GSE1: variants seen among roughly 807,000 people sequenced by gnomAD.
GSE1 encodes the protein genetic suppressor element 1.
GSE1 carries 32 observed loss-of-function variants against 112.6 expected under a neutral mutation model. The observed-to-expected ratio is 0.28, with a 90% CI of 0.21 to 0.38. The LOEUF (loss-of-function observed/expected upper bound fraction) is 0.38. Among genes scored for constraint, GSE1 ranks in the 10% least tolerant of loss-of-function variants. GSE1 has a pLI of 1.00. For missense variants in GSE1, 2,348 were observed against 1,699.2 expected (o/e 1.38, Z -6.71); for synonymous variants, 1,115 against 735.6 (o/e 1.52, Z -8.35).
chr16:85,616,666 C>T (rs1370417050), intron 1 of GSE1, among the ~76,000 whole-genome samples: 1 of 151,800 alleles, frequency 6.6e-6, no homozygotes, highest in South Asian at 2.1e-4. Flanking sequence ...GTGGCTGTGC[C>T]GAAGCCTGGC....
intron 2 of GSE1, among the ~76,000 whole-genome samples, chr16:85,503,896 G>A (rs1258636756): frequency 6.6e-6 from 1 of 152,224 alleles, no homozygotes; most frequent in African/African-American, 2.4e-5. Context: ...CCAGGCTGGG[G>A]AATTCGCCGG....
chr16:85,220,455 A>G (rs1208118363), intron 1 of GSE1, among the ~76,000 whole-genome samples: 3 of 152,230 alleles, frequency 2.0e-5, no homozygotes, highest in Non-Finnish European at 4.4e-5. Context: ...AATCAAGCAG[A>G]TGGCTGCAAC....
At chr16:85,283,365 C>G (rs923586740) in intron 1 of GSE1, 10 of 152,804 alleles carry the variant, frequency 6.5e-5, no homozygotes, top group African/African-American at 2.2e-4. Flanking sequence ...GGTGCCAACC[C>G]CCTGCGCCCT....
rs1318880653 is a variant in GSE1, at chr16:85,654,908, C to A, written c.714C>A (p.Pro238=). 1.9e-6 allele frequency: 3 copies of A among 1,611,824 alleles called. No individual in the cohort carries two copies. The highest frequency in any genetic ancestry group is 2.2e-5 in the South Asian group (2 of 91,020). The change falls in exon 5 of 16, where the codon CCC becomes CCA. Residue 238 remains proline, a synonymous_variant. Coordinates refer to ENST00000253458, the MANE Select transcript of GSE1 (RefSeq NM_014615.5). The stretch of plus-strand genomic sequence containing the variant: ...ACCTCCGCATGTCCTCACTGCCTCC[C>A]CTCGGCCTGGACCCGGCCACTGCTG... The part of the protein sequence containing the change: ...TDDLRMSSLP[P]LGLDPATAAA...
At chr16:85,653,962 C>T (rs2051672300) in intron 3 of GSE1, among the ~76,000 whole-genome samples, 1 of 152,126 alleles carries the variant, frequency 6.6e-6, no homozygotes, top group African/African-American at 2.4e-5. Context: ...GAGCCCCTGC[C>T]ACCCTGCATC....
chr16:85,390,702 G>GC (rs1157503694), intron 2 of GSE1, among the ~76,000 whole-genome samples: 39,284 of 72,156 alleles, frequency 0.54, 7,542 homozygotes, highest in Non-Finnish European at 0.58. Flanking sequence ...GCCTTGTTCT[G>GC]CCCCCCCCAC....
chr16:85,246,352 CACACACACACACACA>C (rs1905746872), intron 1 of GSE1, among the ~76,000 whole-genome samples: 1 of 114,912 alleles, frequency 8.7e-6, no homozygotes, highest in Non-Finnish European at 1.7e-5. Context: ...GCTGTCTACA[CACACACACACACACA>C]CCACACGCTG....
intron 1 of GSE1, among the ~76,000 whole-genome samples, chr16:85,172,681 G>T (rs111549010): frequency 0.019 from 2,966 of 152,350 alleles, 82 homozygotes; most frequent in African/African-American, 0.068. Flanking sequence ...CAGTCAGTGC[G>T]ACTTGTTTTA....
rs148902439 is a variant in GSE1 at position 85,464,971 on chromosome 16, C to T, written c.2464+107328C>T. 4.1e-3 allele frequency among the ~76,000 whole-genome samples: 631 copies of T among 152,274 alleles called. 6 individuals are homozygous for T. Among genetic ancestry groups the T allele is most frequent in the Non-Finnish European group, 7.1e-3 (485 of 68,004 alleles). ...GGAGGGCACTGGCTTCGTGCCCTCT[C>T]GTTTTTGCAGGTGAGGAAACAGTGT... On this transcript the variant is annotated intron_variant, in intron 2 of 2. Transcript: ENST00000637419.
intron 1 of GSE1, among the ~76,000 whole-genome samples, chr16:85,341,952 C>A (rs150986073): frequency 6.6e-6 from 1 of 152,244 alleles, no homozygotes; most frequent in African/African-American, 2.4e-5. Context: ...TCAGGACATA[C>A]CCTCGGTCTC....
chr16:85,288,918 C>A (rs1054704127), intron 1 of GSE1, among the ~76,000 whole-genome samples: 2 of 152,252 alleles, frequency 1.3e-5, no homozygotes, highest in South Asian at 4.1e-4. Flanking sequence ...GCTCTATGGG[C>A]CTGAGAAATG....
At position 85,636,864 on chromosome 16, in the gene GSE1, G is replaced by A. The variant is rs947132976; in HGVS notation, c.226+2732G>A. 7.2e-5 allele frequency among the ~76,000 whole-genome samples: 11 copies of A among 152,316 alleles called. No individual in the cohort carries two copies. In the East Asian group the frequency reaches 1.5e-3, roughly 21 times the overall value. ...GTCAGCACGCTGACCCTGCCTCCCT[G>A]TGGGTTGTGGAGTCCTGGATGACAG... On this transcript the variant is annotated intron_variant, in intron 2 of 15. Transcript: ENST00000253458.
intron 1 of GSE1, among the ~76,000 whole-genome samples, chr16:85,348,499 C>T (rs2046789119): frequency 1.3e-5 from 2 of 152,180 alleles, no homozygotes; most frequent in South Asian, 4.1e-4. Context: ...CTTGGTCACC[C>T]GGCTGCATCT....
intron 3 of GSE1, among the ~76,000 whole-genome samples, chr16:85,652,762 C>G (rs1312678533): frequency 6.6e-6 from 1 of 152,278 alleles, no homozygotes; most frequent in African/African-American, 2.4e-5. Flanking sequence ...GAGACAGATG[C>G]TTCTCCACGG....
intron 1 of GSE1, among the ~76,000 whole-genome samples, chr16:85,317,288 A>C (rs547400378): frequency 6.6e-5 from 10 of 152,234 alleles, no homozygotes; most frequent in Admixed American, 5.2e-4. Flanking sequence ...GACAGCAGGC[A>C]TGCATCCCTC....
At chr16:85,257,171 C>T (rs757813283) in intron 1 of GSE1, among the ~76,000 whole-genome samples, 5 of 152,234 alleles carry the variant, frequency 3.3e-5, no homozygotes, top group Admixed American at 6.5e-5. Flanking sequence ...TGCAGTGGCG[C>T]GATCTCGGCC....
intron 1 of GSE1, among the ~76,000 whole-genome samples, chr16:85,604,205 C>A (rs907339208): frequency 7.2e-5 from 11 of 152,220 alleles, no homozygotes; most frequent in Admixed American, 4.6e-4. Flanking sequence ...AGCAACTACT[C>A]CTCTGCTTTT....
At chr16:85,637,614 C>T (rs1173748848) in intron 2 of GSE1, among the ~76,000 whole-genome samples, 5 of 152,386 alleles carry the variant, frequency 3.3e-5, no homozygotes, top group East Asian at 1.9e-4. Flanking sequence ...ACACACCCTT[C>T]GCCTCTGGTG....
At chr16:85,555,576 C>T (rs1008936212), upstream of GSE1, 20 of 896,926 alleles carry the variant, frequency 2.2e-5, no homozygotes, top group Non-Finnish European at 2.7e-5. Flanking sequence ...CTCGCCCCCT[C>T]CTCCTCTCCC....
Sources: gnomAD v4.1 joint callset for allele counts (sites outside exome capture counted in the v4.1 genomes callset) on GRCh38, gnomAD v4.1.1 for gene constraint, MANE v1.5 for transcripts, NCBI Gene and HGNC (gene_info 2026-07-23, HGNC 2026-07-21) for gene names.